Variants in SETD5 observed in about 807,000 individuals in gnomAD.
SETD5 encodes the protein SET domain containing 5.
In SETD5, 44 loss-of-function variants were observed where a neutral mutation model predicts 153.3. The observed-to-expected ratio is 0.29, with a 90% CI of 0.23 to 0.37. The LOEUF (loss-of-function observed/expected upper bound fraction) is 0.37. Among genes scored for constraint, SETD5 ranks in the 10% least tolerant of loss-of-function variants. SETD5 has a pLI of 1.00. For synonymous variants in SETD5, 716 were observed against 645.2 expected, an observed-to-expected ratio of 1.11 and a Z score of -1.66; for missense variants, 1,544 against 1,768.0, an observed-to-expected ratio of 0.87 and a Z score of 2.27.
At chr3:9,399,159 A>T (rs538201461) in intron 1 of SETD5, among the ~76,000 whole-genome samples, 2 of 152,218 alleles carry the variant, frequency 1.3e-5, no homozygotes, top group Non-Finnish European at 2.9e-5. Flanking sequence ...ATTTGTGACC[A>T]AGGTCATATT....
intron 3 of SETD5, chr3:9,430,811 A>G (rs2039873904): frequency 1.0e-6 from 1 of 984,978 alleles, no homozygotes; most frequent in Non-Finnish European, 1.2e-6. Flanking sequence ...AATTCCAGAA[A>G]TAAAAATACT....
At chr3:9,444,914 A>G (rs747578163) in intron 11 of SETD5, 134 bp from the exon 12 acceptor site, 336 of 1,189,362 alleles carry the variant, frequency 2.8e-4, no homozygotes, top group Non-Finnish European at 3.9e-4. Context: ...AGGACTCTCT[A>G]ATGTCTCTGT....
rs1330234619 is a variant in SETD5 at position 9,476,299 on chromosome 3, T to C, written c.*208T>C. Reference sequence around the variant, plus strand: ...TAAATCTTGTCTGAAGCAGAGACTATAAAGAAGTTTCTCCCTGCTGTCAAG... The same window carrying C: ...TAAATCTTGTCTGAAGCAGAGACTACAAAGAAGTTTCTCCCTGCTGTCAAG... On this transcript the variant is annotated 3_prime_UTR_variant, in exon 23 of 23. Transcript: ENST00000402198. The C allele has an allele frequency of 1.5e-6, 1 of 650,044 alleles. No individual in the cohort carries two copies. The highest frequency in any genetic ancestry group is 1.8e-5 in the African/African-American group (1 of 54,856). The allele number at this position is 650,044 out of a possible 1,614,324, so 40.3% of individuals were successfully genotyped here. A position where few individuals can be genotyped will look rare whatever the true frequency, so the allele number is the denominator to read the frequency against.
At chr3:9,415,199 T>G (rs975628770) in intron 1 of SETD5, among the ~76,000 whole-genome samples, 1 of 152,234 alleles carries the variant, frequency 6.6e-6, no homozygotes, top group Admixed American at 6.5e-5. Flanking sequence ...TTTATCAGTT[T>G]CCTGGGACTA....
At chr3:9,472,965 G>A (rs2045483110) in intron 19 of SETD5, among the ~76,000 whole-genome samples, 1 of 152,162 alleles carries the variant, frequency 6.6e-6, no homozygotes, top group African/African-American at 2.4e-5. Flanking sequence ...AAAAAAGATG[G>A]TGGTCTAATT....
intron 8 of SETD5, 68 bp from the exon 9 acceptor site, chr3:9,441,525 G>A (rs974066500): frequency 7.2e-7 from 1 of 1,391,210 alleles, no homozygotes. Flanking sequence ...CCTTAATTAT[G>A]AAGTAATTTG....
At chr3:9,413,647 G>GA in intron 1 of SETD5, among the ~76,000 whole-genome samples, 1 of 87,698 alleles carries the variant, frequency 1.1e-5, no homozygotes, top group African/African-American at 4.7e-5. Context: ...GGGGGGAGGC[G>GA]GGGTGTGTGT....
chr3:9,455,266 C>T (rs1312896112), intron 17 of SETD5, among the ~76,000 whole-genome samples: 20 of 149,564 alleles, frequency 1.3e-4, no homozygotes, highest in African/African-American at 2.2e-4. Context: ...CCACCTCACC[C>T]GGCAAATTTT....
intron 1 of SETD5, among the ~76,000 whole-genome samples, chr3:9,406,606 T>TAAAAAAAA (rs2035728389): frequency 1.2e-5 from 1 of 85,132 alleles, no homozygotes. Context: ...AGACTCTGTC[T>TAAAAAAAA]CAAAAAAAAA....
chr3:9,407,451 T>C (rs373570428), intron 1 of SETD5, among the ~76,000 whole-genome samples: 1 of 152,208 alleles, frequency 6.6e-6, no homozygotes, highest in Non-Finnish European at 1.5e-5. Flanking sequence ...GGTGTAACCT[T>C]CCTCTTACAG....
chr3:9,430,410 C>T (rs1575352274), intron 3 of SETD5: 1 of 888,932 alleles, frequency 1.1e-6, no homozygotes, highest in Admixed American at 6.2e-5. Flanking sequence ...GATTTTGTTT[C>T]TTCTAGAGCT....
intron 2 of SETD5, among the ~76,000 whole-genome samples, chr3:9,425,228 AT>A (rs1426885137): frequency 1.3e-5 from 2 of 151,040 alleles, no homozygotes; most frequent in South Asian, 2.1e-4. Flanking sequence ...TGCCCGGCTA[AT>A]TTTTTTGTAT....
chr3:9,461,184 C>T (rs1028418628), intron 17 of SETD5, among the ~76,000 whole-genome samples: 1 of 152,072 alleles, frequency 6.6e-6, no homozygotes, highest in Non-Finnish European at 1.5e-5. Context: ...ATATAAACTA[C>T]ACATATATAG....
At chr3:9,457,278 G>A (rs1168700287) in intron 17 of SETD5, among the ~76,000 whole-genome samples, 11 of 152,128 alleles carry the variant, frequency 7.2e-5, no homozygotes, top group Non-Finnish European at 1.2e-4. Flanking sequence ...CACAAGGTCA[G>A]GAGATCGAGA....
chr3:9,473,305 T>A lies in SETD5; in HGVS notation c.3265T>A (p.Ser1089Thr), dbSNP rs1204827533. The change falls in exon 20 of 23, where the codon TCT (serine) becomes ACT (threonine). Residue 1089 changes from serine to threonine, a missense_variant. By Grantham distance (58) the Ser-to-Thr change is moderately conservative. Transcript: ENST00000402198. ...AAATTCTGCTGGTGGGGGAGGTGAC[T>A]CTGCACAGAGCAAAAGCAAGTCTGC... ...KENSAGGGGD[S>T]AQSKSKSAGA... 1 of 1,613,984 alleles carries A rather than the reference T, an allele frequency of 6.2e-7. No individual in the cohort carries two copies. Among genetic ancestry groups the A allele is most frequent in the African/African-American group, 1.3e-5 (1 of 75,032 alleles).
At chr3:9,456,201 GT>G (rs35667509) in intron 17 of SETD5, among the ~76,000 whole-genome samples, 32,726 of 151,906 alleles carry the variant, frequency 0.22, 4,523 homozygotes, top group African/African-American at 0.4. Flanking sequence ...GAGGCTAGGC[GT>G]TGGTGGCTCA....
intron 2 of SETD5, among the ~76,000 whole-genome samples, chr3:9,427,155 G>A (rs542195157): frequency 6.6e-6 from 1 of 152,246 alleles, no homozygotes; most frequent in South Asian, 2.1e-4. Context: ...TAAAGTGTTG[G>A]TATTACAGTT....
At chr3:9,431,139 A>C in intron 3 of SETD5, 1 of 985,480 alleles carries the variant, frequency 1.0e-6, no homozygotes, top group Non-Finnish European at 1.2e-6. Context: ...ATCTGATGGC[A>C]ACTATATGCA....
intron 2 of SETD5, among the ~76,000 whole-genome samples, chr3:9,426,641 C>G (rs1481130554): frequency 6.6e-6 from 1 of 152,136 alleles, no homozygotes; most frequent in Non-Finnish European, 1.5e-5. Flanking sequence ...GATCCACCCA[C>G]CTTGGCCTCC....
Sources: allele counts gnomAD v4.1 joint callset (sites outside exome capture counted in the v4.1 genomes callset), GRCh38; gene constraint gnomAD v4.1.1; transcripts MANE v1.5; gene names NCBI Gene and HGNC (gene_info 2026-07-23, HGNC 2026-07-21).